Variants in SNRNP200 observed in about 807,000 individuals in gnomAD.
The protein encoded by SNRNP200 is small nuclear ribonucleoprotein U5 subunit 200, also known as U5 small nuclear ribonucleoprotein 200 kDa helicase.
In SNRNP200, 66 loss-of-function variants were observed where a neutral mutation model predicts 255.2. The ratio of observed to expected loss-of-function variants is 0.26; its 90% CI spans 0.21 to 0.32. The LOEUF (loss-of-function observed/expected upper bound fraction) is 0.32. Ranked by LOEUF, SNRNP200 falls within the 10% of genes least tolerant of loss-of-function variation. SNRNP200 has a pLI of 1.00. For synonymous variants in SNRNP200, 939 were observed against 1,027.8 expected, an observed-to-expected ratio of 0.91 and a Z score of 1.65; for missense variants, 1,585 against 2,749.8, an observed-to-expected ratio of 0.58 and a Z score of 9.47.
chr2:96,285,313 T>C lies in SNRNP200; in HGVS notation c.4031A>G (p.Asp1344Gly), dbSNP rs746764127. The change falls in exon 30 of 45, where the codon GAC becomes GGC. Residue 1344 changes from aspartate to glycine, a missense_variant. Coordinates refer to ENST00000323853, the MANE Select transcript of SNRNP200 (RefSeq NM_014014.5). Reference protein sequence around the residue: ...QVFNTVYNSDDNVFVGAPTGS... With the variant: ...QVFNTVYNSDGNVFVGAPTGS... ...CGTGGGGGCCCCCACAAACACGTTG[T>C]CGTCACTGTTGTATACAGTGTTAAA... 1.2e-6 allele frequency: 2 copies of C among 1,614,176 alleles called. No homozygotes were observed. Among genetic ancestry groups the C allele is most frequent in the Non-Finnish European group, 1.7e-6 (2 of 1,180,038 alleles).
At position 96,289,860 on chromosome 2, in the gene SNRNP200, G is replaced by C. The variant is rs138686895; in HGVS notation, c.2879C>G (p.Ala960Gly). 2 of 1,614,208 alleles carry C rather than the reference G, an allele frequency of 1.2e-6. No homozygotes were observed. The highest frequency in any genetic ancestry group is 4.5e-5 in the East Asian group (2 of 44,888). ...DQRRLDLVHT[A>G]ALMLDKNNLV... ...ATTGTTCTTGTCCAGCATCAGGGCAGCTGTATGAACCAGATCTAGTCGGCG... is the reference window on the plus strand; with the variant it reads ...ATTGTTCTTGTCCAGCATCAGGGCACCTGTATGAACCAGATCTAGTCGGCG... The change falls in exon 21 of 45, where the codon GCT becomes GGT. Residue 960 changes from alanine (A) to glycine (G), a missense_variant. By Grantham distance (60) the Ala-to-Gly change is moderately conservative. Around this residue, in one of 9 missense-constraint regions of SNRNP200, gnomAD observed 719 missense variants for 1,091.1 expected, o/e 0.66. Transcript: ENST00000323853.
In SNRNP200 at chr2:96,278,710, G is replaced by A. The variant is rs1476376657; in HGVS notation, c.5325C>T (p.Gly1775=). 3.1e-6 allele frequency: 5 copies of A among 1,614,260 alleles called. No homozygotes were observed. The highest frequency in any genetic ancestry group is 3.4e-6 in the Non-Finnish European group (4 of 1,180,046). Residue 1775 remains glycine, a splice_region_variant and synonymous_variant, in exon 38 of 45, where the codon GGC becomes GGT. Coordinates refer to ENST00000323853, the MANE Select transcript of SNRNP200 (RefSeq NM_014014.5). The surrounding 1 kb of genome is among the most constrained non-coding windows in gnomAD (Gnocchi z 6.9). ...TQNPNYYNLQ[G]ISHRHLSDHL... is the part of the protein sequence containing the mutation. ...GGTCCGACAAGTGACGATGGGAGAT[G>A]CCTATGGAGGCGAGAGGTGAGTGGG...
intron 3 of SNRNP200, 146 bp downstream of exon 3, chr2:96,303,013 T>C (rs1429998034): frequency 1.2e-6 from 1 of 857,226 alleles, no homozygotes; most frequent in African/African-American, 1.7e-5. Context: ...GCCTCCATTC[T>C]GAACTACCTA....
Position 96,277,172 on chromosome 2 carries a change from C to G in SNRNP200, c.6001G>C (p.Asp2001His). The change falls in exon 42 of 45, where the codon GAC (aspartate) becomes CAC (histidine). Residue 2001 changes from aspartate to histidine, a missense_variant. Coordinates refer to ENST00000323853, the MANE Select transcript of SNRNP200 (RefSeq NM_014014.5). This position sits in a 1 kb window ranked among gnomAD's most constrained non-coding sequence, Gnocchi z 4.4. ...CGAGCCACATCTGCAATCTGGCTGTCAGTCAGCTGAAGCAACGCGTTCCGT... is the reference window on the plus strand; with the variant it reads ...CGAGCCACATCTGCAATCTGGCTGTGAGTCAGCTGAAGCAACGCGTTCCGT... Reference protein sequence around the residue: ...EERNALLQLTDSQIADVARFC... With the variant: ...EERNALLQLTHSQIADVARFC... 2 of 1,614,222 alleles carry G rather than the reference C, an allele frequency of 1.2e-6. No individual in the cohort carries two copies. Among genetic ancestry groups the G allele is most frequent in the South Asian group, 2.2e-5 (2 of 91,088 alleles).
intron 30 of SNRNP200, chr2:96,284,979 A>C: frequency 1.5e-6 from 1 of 671,406 alleles, no homozygotes; most frequent in Non-Finnish European, 2.7e-6. Flanking sequence ...CGAACTCCTG[A>C]TCTCCGGAGA....
rs199736893 is a variant in SNRNP200, at chr2:96,283,577, A to G, written c.4721T>C (p.Ile1574Thr). 4.1e-5 allele frequency: 66 copies of G among 1,614,114 alleles called. No homozygotes were observed. In the East Asian group the frequency reaches 1.4e-3, roughly 35 times the overall value. ...PSRKQTRLTAIDILTTCAADI... is the reference protein window; with the variant it reads ...PSRKQTRLTATDILTTCAADI... ...TGCTGCACAGGTGGTGAGGATGTCA[A>G]TGGCAGTGAGGCGGGTCTGCTTGCG... is the stretch of plus-strand genomic sequence containing the variant. The change falls in exon 33 of 45, where the codon ATT becomes ACT. Residue 1574 changes from isoleucine to threonine, a missense_variant. Physicochemically the swap from Ile to Thr is moderately conservative, Grantham distance 89 (BLOSUM62 -1). Around this residue, in one of 9 missense-constraint regions of SNRNP200, gnomAD observed 719 missense variants for 1,091.1 expected, o/e 0.66. Transcript: ENST00000323853. This position sits in a 1 kb window ranked among gnomAD's most constrained non-coding sequence, Gnocchi z 4.7.
chr2:96,288,042 G>A, intron 24 of SNRNP200, 73 bp from the exon 25 acceptor site: 1 of 1,346,422 alleles, frequency 7.4e-7, no homozygotes, highest in Middle Eastern at 1.8e-4. Flanking sequence ...TCTACACACG[G>A]TTTCATTACC....
intron 14 of SNRNP200, among the ~76,000 whole-genome samples, chr2:96,295,206 TCAAACAAA>T (rs369069457): frequency 1.3e-5 from 2 of 151,996 alleles, no homozygotes; most frequent in African/African-American, 4.8e-5. Flanking sequence ...AGACTCCATC[TCAAACAAA>T]CAAACAAACA....
In SNRNP200 at chr2:96,291,363, G is replaced by T. The variant is rs1322917278; in HGVS notation, c.2421+29C>A. 2 of 1,213,646 alleles carry T rather than the reference G, an allele frequency of 1.6e-6. No homozygotes were observed. Among genetic ancestry groups the T allele is most frequent in the African/African-American group, 3.0e-5 (2 of 67,330 alleles). The allele number at this position is 1,213,646 out of a possible 1,614,324, so 75.2% of individuals were successfully genotyped here. A position where few individuals can be genotyped will look rare whatever the true frequency, so the allele number is the denominator to read the frequency against. On this transcript the variant is annotated intron_variant, in intron 18 of 44. Coordinates refer to ENST00000323853, the MANE Select transcript of SNRNP200 (RefSeq NM_014014.5). The surrounding 1 kb of genome is among the most constrained non-coding windows in gnomAD (Gnocchi z 4.2). ...CCATCTTCTGAAGTATGTCCCACCT[G>T]CTCCTCCAAACGCTTTGCACCCCCT... is the stretch of plus-strand genomic sequence containing the variant.
chr2:96,282,303 T>C (rs539268625), intron 34 of SNRNP200: 1 of 226,794 alleles, frequency 4.4e-6, no homozygotes, highest in South Asian at 6.9e-5. Context: ...AACAGGCAGA[T>C]TCAAGGGCCA....
intron 34 of SNRNP200, 44 bp from the exon 35 acceptor site, chr2:96,281,966 G>A (rs369278396): frequency 1.2e-4 from 176 of 1,455,264 alleles, no homozygotes; most frequent in African/African-American, 3.6e-4. Flanking sequence ...AGGGGTCTCC[G>A]GGTGAAGTAG....
At chr2:96,302,574 G>T (rs570496731) in intron 3 of SNRNP200, among the ~76,000 whole-genome samples, 1 of 152,090 alleles carries the variant, frequency 6.6e-6, no homozygotes, top group Non-Finnish European at 1.5e-5. Flanking sequence ...ATTCAATTCC[G>T]TTCCAACACT....
chr2:96,284,688 G>C (rs2063831830), intron 30 of SNRNP200, 103 bp from the exon 31 acceptor site: 2 of 800,558 alleles, frequency 2.5e-6, no homozygotes, highest in East Asian at 5.0e-5. Flanking sequence ...TTGACCTGCA[G>C]ATCTCAAGCT....
At chr2:96,285,520 C>CG in intron 29 of SNRNP200, 180 bp from the exon 30 acceptor site, 1 of 665,048 alleles carries the variant, frequency 1.5e-6, no homozygotes. Flanking sequence ...ACTGTACCCC[C>CG]TTACCTGCTC....
intron 30 of SNRNP200, 117 bp downstream of exon 30, chr2:96,285,063 T>G (rs750273930): frequency 1.5e-6 from 2 of 1,303,722 alleles, no homozygotes; most frequent in Non-Finnish European, 2.2e-6. Flanking sequence ...GCAGCTTTTC[T>G]TTAATACACA....
intron 15 of SNRNP200, 72 bp from the exon 16 acceptor site, chr2:96,293,167 G>A: frequency 1.3e-6 from 2 of 1,597,354 alleles, no homozygotes; most frequent in South Asian, 2.2e-5. Flanking sequence ...CTTTTTCACT[G>A]CCCCAAGAGC....
In SNRNP200 at chr2:96,289,126, A is replaced by T. The variant is rs776849934; in HGVS notation, c.3094-9T>A. 6.2e-7 allele frequency: 1 copy of T among 1,613,898 alleles called. No individual in the cohort carries two copies. Among genetic ancestry groups the T allele is most frequent in the Non-Finnish European group, 8.5e-7 (1 of 1,179,898 alleles). ...AGCTCCAGCTTCTCCTCCTGCCACA[A>T]GGAGGAAAAGGTCAAGGGAAAGCCT... is the stretch of plus-strand genomic sequence containing the variant. On this transcript the variant is annotated splice_polypyrimidine_tract_variant and intron_variant, in intron 22 of 44. Coordinates refer to ENST00000323853, the MANE Select transcript of SNRNP200 (RefSeq NM_014014.5).
chr2:96,303,404 T>G, intron 2 of SNRNP200, 74 bp from the exon 3 acceptor site: 1 of 1,541,750 alleles, frequency 6.5e-7, no homozygotes, highest in Non-Finnish European at 8.9e-7. Flanking sequence ...AAGCCCACCC[T>G]CCTCTCCTCA....
At chr2:96,285,016 C>T (rs775706295) in intron 30 of SNRNP200, 164 bp downstream of exon 30, 2 of 816,628 alleles carry the variant, frequency 2.4e-6, no homozygotes, top group Non-Finnish European at 2.0e-6. Context: ...TCCCAAAGTG[C>T]TGGGATTACA....
Sources: allele counts gnomAD v4.1 joint callset (sites outside exome capture counted in the v4.1 genomes callset), GRCh38; gene constraint gnomAD v4.1.1; regional missense constraint gnomAD v4.1.1; non-coding constraint Gnocchi (gnomAD v3.1); transcripts MANE v1.5; gene names NCBI Gene and HGNC (gene_info 2026-07-23, HGNC 2026-07-21).